The following MICA variants were observed in gnomAD, a reference collection of about 807,000 sequenced individuals.
The protein encoded by MICA is MHC class I polypeptide-related sequence A, also known as HLA class I antigen.
In MICA, 18 loss-of-function variants were observed where a neutral mutation model predicts 34.3. That is an observed-to-expected ratio of 0.52 (90% CI 0.36 to 0.78). The LOEUF (loss-of-function observed/expected upper bound fraction) is 0.78, where lower values mean the gene tolerates loss of function less well. Among genes scored for constraint, MICA ranks in the 30% least tolerant of loss-of-function variants. The pLI is 0.00. For missense variants in MICA, 333 were observed against 409.4 expected (o/e 0.81, Z 1.61); for synonymous variants, 135 against 156.9 (o/e 0.86, Z 1.04).
At chr6:31,413,591 G>T (rs1218595592) in intron 5 of MICA, among the ~76,000 whole-genome samples, 1 of 151,944 alleles carries the variant, frequency 6.6e-6, no homozygotes, top group Non-Finnish European at 1.5e-5. Flanking sequence ...TGGCAGTAGG[G>T]TCGCTGGTTT....
At chr6:31,414,401 A>G (rs1443658590) in intron 5 of MICA, among the ~76,000 whole-genome samples, 2 of 152,096 alleles carry the variant, frequency 1.3e-5, no homozygotes, top group Non-Finnish European at 2.9e-5. Flanking sequence ...TGTGAGGGTC[A>G]GGAGAGGCCA....
chr6:31,405,883 C>G (rs1376469054), intron 1 of MICA, among the ~76,000 whole-genome samples: 1 of 151,874 alleles, frequency 6.6e-6, no homozygotes, highest in Admixed American at 6.6e-5. Context: ...GCAAATGACA[C>G]GATGGCTGAA....
At chr6:31,405,752 G>A (rs1770714107) in intron 1 of MICA, among the ~76,000 whole-genome samples, 1 of 151,518 alleles carries the variant, frequency 6.6e-6, no homozygotes, top group Non-Finnish European at 1.5e-5. Context: ...TCATTCTATT[G>A]TCTCTCCCCA....
intron 1 of MICA, among the ~76,000 whole-genome samples, chr6:31,405,515 A>T (rs1316235553): frequency 6.6e-6 from 1 of 151,874 alleles, no homozygotes; most frequent in Non-Finnish European, 1.5e-5. Flanking sequence ...TAATCACATC[A>T]GGGTAAATGG....
At chr6:31,410,107 C>T (rs1294210833) in intron 1 of MICA, among the ~76,000 whole-genome samples, 1 of 134,826 alleles carries the variant, frequency 7.4e-6, no homozygotes, top group Non-Finnish European at 1.5e-5. Flanking sequence ...CTCGAGGCAG[C>T]TCCCCTTGCC....
chr6:31,403,792 A>T lies in MICA; in HGVS notation c.70+90A>T. On this transcript the variant is annotated intron_variant, in intron 1 of 5. Coordinates refer to ENST00000449934, the MANE Select transcript of MICA (RefSeq NM_001177519.3). The surrounding 1 kb of genome is among the most constrained non-coding windows in gnomAD (Gnocchi z 4.7). ...GGGTAGCGGCGAGCGCTGTGCGGTC[A>T]GGGCGGGGCTCCTGTGCCCTGTCGG... 3 of 1,244,772 alleles carry T rather than the reference A, an allele frequency of 2.4e-6. No homozygotes were observed. Among genetic ancestry groups the T allele is most frequent in the Non-Finnish European group, 3.3e-6 (3 of 910,536 alleles). The allele number at this position is 1,244,772 out of a possible 1,614,324, so 77.1% of individuals were successfully genotyped here.
rs139716075 is a variant in MICA, at chr6:31,411,704, A to G, written c.614-243A>G. Among the ~76,000 whole-genome samples, 29 of 151,854 alleles carry G rather than the reference A, an allele frequency of 1.9e-4. 1 individual carries two copies. The East Asian group carries it at 5.6e-3, about 30-fold the overall frequency. On this transcript the variant is annotated intron_variant, in intron 3 of 5. Transcript: ENST00000449934. The surrounding 1 kb of genome is among the most constrained non-coding windows in gnomAD (Gnocchi z 4.3). ...TTCCCTCCTGGCCCCACAACCCAGG[A>G]GTCCACCCCTGACATCCCCCTCCTC... is the stretch of plus-strand genomic sequence containing the variant.
rs1280804210 is a variant in MICA, at chr6:31,411,806, C to A, written c.614-141C>A. The A allele has an allele frequency of 2.3e-6, 3 of 1,315,034 alleles. No individual in the cohort carries two copies. The highest frequency in any genetic ancestry group is 2.0e-6 in the Non-Finnish European group (2 of 985,038). 81.5% of individuals were successfully genotyped at this position (1,315,034 alleles called of 1,614,324 possible). On this transcript the variant is annotated intron_variant, in intron 3 of 5. Coordinates refer to ENST00000449934, the MANE Select transcript of MICA (RefSeq NM_001177519.3). The surrounding 1 kb of genome is among the most constrained non-coding windows in gnomAD (Gnocchi z 4.3). The stretch of plus-strand genomic sequence containing the variant: ...CTCCTGCCAGCCTGGAAGAACTGGG[C>A]CCCAGAGTGAGGACAGACTTGCAGG...
intron 1 of MICA, among the ~76,000 whole-genome samples, chr6:31,408,288 A>G (rs536987974): frequency 6.6e-6 from 1 of 151,882 alleles, no homozygotes; most frequent in African/African-American, 2.4e-5. Flanking sequence ...TTCATCAGGG[A>G]TATAGGCCTG....
Position 31,403,602 on chromosome 6 carries a change from G to C in MICA, c.-31G>C. On this transcript the variant is annotated 5_prime_UTR_variant, in exon 1 of 6. Coordinates refer to ENST00000449934, the MANE Select transcript of MICA (RefSeq NM_001177519.3). This position sits in a 1 kb window ranked among gnomAD's most constrained non-coding sequence, Gnocchi z 4.7. ...GGCGCCTTCTCCCCGGCCACTGCTT[G>C]AGCCGCTGAGAGGGTGGCGACGTCG... The C allele has an allele frequency of 6.7e-7, 1 of 1,482,874 alleles. No homozygotes were observed. The highest frequency in any genetic ancestry group is 8.9e-7 in the Non-Finnish European group (1 of 1,118,902). 91.9% of individuals were successfully genotyped at this position (1,482,874 alleles called of 1,614,324 possible). A position where few individuals can be genotyped will look rare whatever the true frequency, so the allele number is the denominator to read the frequency against.
intron 1 of MICA, among the ~76,000 whole-genome samples, chr6:31,408,501 A>T (rs1468849336): frequency 6.6e-6 from 1 of 151,940 alleles, no homozygotes; most frequent in Non-Finnish European, 1.5e-5. Context: ...TTTTAAGTGT[A>T]TACTCGGTGG....
At position 31,405,902 on chromosome 6, in the gene MICA, C is replaced by T. The variant is rs115461077; in HGVS notation, c.70+2200C>T. On this transcript the variant is annotated intron_variant, in intron 1 of 5. Coordinates refer to ENST00000449934, the MANE Select transcript of MICA (RefSeq NM_001177519.3). ...ATGACACGATGGCTGAATAGTTCTC[C>T]ACATACACATGTACACCACATTTTC... is the stretch of plus-strand genomic sequence containing the variant. Among the ~76,000 whole-genome samples the T allele has an allele frequency of 2.9e-3, 441 of 152,034 alleles. 17 individuals are homozygous for T. In the East Asian group the frequency reaches 0.052, roughly 18 times the overall value.
rs142876154 is a variant in MICA at position 31,407,424 on chromosome 6, T to C, written c.71-3119T>C. 4.2e-3 allele frequency among the ~76,000 whole-genome samples: 639 copies of C among 151,860 alleles called. 16 individuals are homozygous for C. In the East Asian group the frequency reaches 0.052, roughly 12 times the overall value. ...GCTAATTTTCTATTTTTATTAGAGATGGGGTTTCTCTATGTTGGCCAGGCT... is the reference window on the plus strand; with the variant it reads ...GCTAATTTTCTATTTTTATTAGAGACGGGGTTTCTCTATGTTGGCCAGGCT... On this transcript the variant is annotated intron_variant, in intron 1 of 5. Coordinates refer to ENST00000449934, the MANE Select transcript of MICA (RefSeq NM_001177519.3).
Position 31,411,081 on chromosome 6 carries a change from C to A in MICA, c.335C>A (p.Ser112Tyr). 6 of 1,594,372 alleles carry A rather than the reference C, an allele frequency of 3.8e-6. No homozygotes were observed. Among genetic ancestry groups the A allele is most frequent in the Non-Finnish European group, 5.1e-6 (6 of 1,171,192 alleles). ...HIKDQKEGLH[S>Y]LQEIRVCEIH... ...TGCTGGGTGGGGGCAGGCTTGCATT[C>A]CCTCCAGGAGATTAGGGTCTGTGAG... The change falls in exon 3 of 6, where the codon TCC (serine) becomes TAC (tyrosine). Residue 112 changes from serine to tyrosine, a missense_variant. By Grantham distance (144) the Ser-to-Tyr change is moderately radical. Coordinates refer to ENST00000449934, the MANE Select transcript of MICA (RefSeq NM_001177519.3). This position sits in a 1 kb window ranked among gnomAD's most constrained non-coding sequence, Gnocchi z 4.3.
At chr6:31,404,459 C>T (rs936785388) in intron 1 of MICA, among the ~76,000 whole-genome samples, 19 of 151,746 alleles carry the variant, frequency 1.3e-4, no homozygotes, top group African/African-American at 4.6e-4. Context: ...TTTGCCCTCC[C>T]AGCTCCCTGC....
Position 31,412,242 on chromosome 6 carries a change from C to T in MICA, c.892+17C>T, listed in dbSNP as rs116381822. On this transcript the variant is annotated intron_variant, in intron 4 of 5. Coordinates refer to ENST00000449934, the MANE Select transcript of MICA (RefSeq NM_001177519.3). ...TGCCCTCTGGTGAGCCTAGGGTGAC[C>T]CTGGAGAGGGTCAGGCCAGGGTAGG... is the stretch of plus-strand genomic sequence containing the variant. 6.2e-7 allele frequency: 1 copy of T among 1,606,474 alleles called. No homozygotes were observed. Among genetic ancestry groups the T allele is most frequent in the South Asian group, 1.1e-5 (1 of 90,180 alleles).
upstream of MICA, chr6:31,403,562 T>C (rs1770561016): frequency 3.1e-6 from 4 of 1,294,000 alleles, no homozygotes; most frequent in Non-Finnish European, 4.1e-6. The surrounding 1 kb of genome is among the most constrained non-coding windows in gnomAD (Gnocchi z 4.7). Flanking sequence ...CCGGGCCAGG[T>C]GACTAAGTTT....
At chr6:31,402,614 G>C (rs1321187454), upstream of MICA, among the ~76,000 whole-genome samples, 1 of 151,896 alleles carries the variant, frequency 6.6e-6, no homozygotes, top group Non-Finnish European at 1.5e-5. Context: ...GACTAAGATT[G>C]TGGCTGTGGG....
Position 31,406,406 on chromosome 6 carries a change from A to AT in MICA, c.70+2705dup, listed in dbSNP as rs754311417. Among the ~76,000 whole-genome samples the AT allele has an allele frequency of 4.0e-3, 493 of 121,756 alleles. 6 individuals are homozygous for AT. The highest frequency in any genetic ancestry group is 0.036 in the South Asian group (140 of 3,904). The allele number at this position is 121,756 out of a possible 152,430, so 79.9% of individuals were successfully genotyped here. Reference sequence around the variant, plus strand: ...TTTCTCATTTTTAAATTGGATTATTATATTTTTTTTCCTATAGTTGTTCGA... The same window carrying AT: ...TTTCTCATTTTTAAATTGGATTATTATTATTTTTTTTCCTATAGTTGTTCGA... On this transcript the variant is annotated intron_variant, in intron 1 of 5. Transcript: ENST00000449934.
Sources: gnomAD v4.1 joint callset for allele counts (sites outside exome capture counted in the v4.1 genomes callset) on GRCh38, gnomAD v4.1.1 for gene constraint, Gnocchi (gnomAD v3.1) non-coding constraint, MANE v1.5 for transcripts, NCBI Gene and HGNC (gene_info 2026-07-23, HGNC 2026-07-21) for gene names.